TNIK: variants seen among roughly 807,000 people sequenced by gnomAD.
TNIK encodes the protein TRAF2 and NCK-interacting protein kinase.
A neutral mutation model predicts 191.3 loss-of-function variants in TNIK; 49 were observed. The observed-to-expected ratio is 0.26, with a 90% CI of 0.20 to 0.32. The LOEUF (loss-of-function observed/expected upper bound fraction) is 0.32, where lower values mean the gene tolerates loss of function less well. Among genes scored for constraint, TNIK ranks in the 10% least tolerant of loss-of-function variants. TNIK has a pLI of 1.00. For missense variants in TNIK, 1,155 were observed against 1,702.3 expected (o/e 0.68, Z 5.66); for synonymous variants, 594 against 600.9 (o/e 0.99, Z 0.17).
At chr3:171,169,525 C>T (rs1735031013) in intron 9 of TNIK, among the ~76,000 whole-genome samples, 1 of 152,214 alleles carries the variant, frequency 6.6e-6, no homozygotes, top group African/African-American at 2.4e-5. Context: ...ACCTCAGCCT[C>T]CCAAAGTGCT....
chr3:171,376,540 G>T (rs1288524295), intron 1 of TNIK, among the ~76,000 whole-genome samples: 1 of 152,096 alleles, frequency 6.6e-6, no homozygotes, highest in Non-Finnish European at 1.5e-5. Flanking sequence ...AAGCAGACAT[G>T]AGCAACTTAC....
intron 9 of TNIK, among the ~76,000 whole-genome samples, chr3:171,169,294 G>A (rs1170248201): frequency 6.6e-6 from 1 of 151,254 alleles, no homozygotes; most frequent in Non-Finnish European, 1.5e-5. Flanking sequence ...TTTAGATGGA[G>A]TCTTGCTCTG....
intron 2 of TNIK, among the ~76,000 whole-genome samples, chr3:171,280,018 A>C (rs1034207457): frequency 3.3e-5 from 5 of 152,194 alleles, no homozygotes; most frequent in Non-Finnish European, 1.5e-5. Context: ...CTACAGTTCT[A>C]TAAGTGTGAG....
rs73039350 is a variant in TNIK, at chr3:171,148,108, G to A, written c.1222-7599C>T. On this transcript the variant is annotated intron_variant, in intron 12 of 32. Transcript: ENST00000436636. ...TCTACACCTACTTTACACCATGAGA[G>A]ATAAACTATCCAACCTACCCTTTGA... Among the ~76,000 whole-genome samples, 1,159 of 152,270 alleles carry A rather than the reference G, an allele frequency of 7.6e-3. 24 individuals carry two copies. Among genetic ancestry groups the A allele is most frequent in the African/African-American group, 0.027 (1,106 of 41,532 alleles).
intron 9 of TNIK, among the ~76,000 whole-genome samples, chr3:171,167,743 T>G (rs534786837): frequency 1.2e-4 from 18 of 152,248 alleles, no homozygotes; most frequent in Admixed American, 1.2e-3. Context: ...GTGAGCCACT[T>G]AAATAAGGCA....
Position 171,284,608 on chromosome 3 carries a change from TA to T in TNIK, c.124-56388del, listed in dbSNP as rs11375341. Among the ~76,000 whole-genome samples the T allele has an allele frequency of 2.1e-4, 30 of 141,970 alleles. No individual in the cohort carries two copies. The South Asian group carries it at 3.1e-3, about 15-fold the overall frequency. 93.1% of individuals were successfully genotyped at this position (141,970 alleles called of 152,430 possible). On this transcript the variant is annotated intron_variant, in intron 2 of 32. Coordinates refer to ENST00000436636, the MANE Select transcript of TNIK (RefSeq NM_015028.4). Reference sequence around the variant, plus strand: ...ATTTCTTAATAAACCTCCTGCATGCTAAAAAAAAAATAAAAAATAAAATCAA... The same window carrying T: ...ATTTCTTAATAAACCTCCTGCATGCTAAAAAAAAATAAAAAATAAAATCAA...
intron 15 of TNIK, 73 bp downstream of exon 15, chr3:171,138,118 T>C (rs1291200893): frequency 2.9e-6 from 4 of 1,401,148 alleles, no homozygotes; most frequent in African/African-American, 2.9e-5. Flanking sequence ...GGGTTAACTC[T>C]CCACTTCTAT....
At chr3:171,303,635 C>A (rs1753114675) in intron 2 of TNIK, among the ~76,000 whole-genome samples, 1 of 152,154 alleles carries the variant, frequency 6.6e-6, no homozygotes, top group South Asian at 2.1e-4. Context: ...ATGGCATGGC[C>A]TTCACATAAA....
chr3:171,335,027 CAAAAA>C (rs371457413), intron 2 of TNIK, among the ~76,000 whole-genome samples: 1 of 114,616 alleles, frequency 8.7e-6, no homozygotes. Context: ...CCCCAACTGC[CAAAAA>C]AAAAAAAAAA....
chr3:171,280,548 ATTG>A (rs1355844328), intron 2 of TNIK, among the ~76,000 whole-genome samples: 1 of 151,888 alleles, frequency 6.6e-6, no homozygotes, highest in Non-Finnish European at 1.5e-5. Context: ...AATAAAAGTT[ATTG>A]TTATTTACAG....
At chr3:171,212,047 T>G (rs1192479680) in intron 3 of TNIK, among the ~76,000 whole-genome samples, 1 of 152,200 alleles carries the variant, frequency 6.6e-6, no homozygotes, top group African/African-American at 2.4e-5. Flanking sequence ...TGTTTTATTG[T>G]TGAGGTTGGG....
At chr3:171,067,824 CAT>C (rs145786912) in intron 30 of TNIK, among the ~76,000 whole-genome samples, 14,297 of 152,108 alleles carry the variant, frequency 0.094, 836 homozygotes, top group Non-Finnish European at 0.13. Context: ...TGAGGATTAT[CAT>C]AGTTACACCT....
chr3:171,443,263 G>T (rs1015066428), intron 1 of TNIK, among the ~76,000 whole-genome samples: 11 of 152,164 alleles, frequency 7.2e-5, no homozygotes, highest in Admixed American at 5.9e-4. Flanking sequence ...GAGTATCCAT[G>T]CTCTGAAAGT....
chr3:171,451,473 C>T (rs1174759019), intron 1 of TNIK, among the ~76,000 whole-genome samples: 1 of 152,196 alleles, frequency 6.6e-6, no homozygotes, highest in East Asian at 1.9e-4. Flanking sequence ...GAATTCCTGG[C>T]CCACAGAAAC....
Position 171,139,514 on chromosome 3 carries a change from C to G in TNIK, c.1375G>C (p.Glu459Gln). Residue 459 changes from glutamate (E) to glutamine (Q), a missense_variant, in exon 14 of 33, where the codon GAG becomes CAG. This residue lies in a region of TNIK where 735 missense variants were observed against 848.0 expected (regional missense o/e 0.87). Transcript: ENST00000436636. ...TGCAGTAGCTGCTGCTGCAAGATCTCTAACTGTCTCTGCTCCTCCTCTAAC... is the reference window on the plus strand; with the variant it reads ...TGCAGTAGCTGCTGCTGCAAGATCTGTAACTGTCTCTGCTCCTCCTCTAAC... ...RQLEEEQRQL[E>Q]ILQQQLLHEQ... The G allele has an allele frequency of 6.2e-7, 1 of 1,613,790 alleles. No homozygotes were observed. Among genetic ancestry groups the G allele is most frequent in the East Asian group, 2.2e-5 (1 of 44,874 alleles).
At chr3:171,386,574 C>T (rs190931676) in intron 1 of TNIK, among the ~76,000 whole-genome samples, 4 of 152,246 alleles carry the variant, frequency 2.6e-5, no homozygotes, top group Admixed American at 1.3e-4. Context: ...CTCACCTATA[C>T]CATTTATAGC....
chr3:171,119,053 A>T (rs927877182), intron 18 of TNIK, among the ~76,000 whole-genome samples: 2 of 152,216 alleles, frequency 1.3e-5, no homozygotes, highest in African/African-American at 4.8e-5. Context: ...TTATCTGACA[A>T]AGGGCTAATA....
chr3:171,298,852 C>T (rs1752595018), intron 2 of TNIK, among the ~76,000 whole-genome samples: 1 of 152,246 alleles, frequency 6.6e-6, no homozygotes, highest in Non-Finnish European at 1.5e-5. Context: ...ACCTAACCAG[C>T]TTCACAAAAC....
Position 171,211,230 on chromosome 3 carries a change from T to C in TNIK, c.192A>G (p.Glu64=). The part of the protein sequence containing the change: ...KVMDVTGDEE[E]EIKQEINMLK... ...ACATGTTAATTTCTTGTTTGATTTC[T>C]TCCTCTTCATCCTGTATGAGAACAA... is the stretch of plus-strand genomic sequence containing the variant. Residue 64 remains glutamate (E), a synonymous_variant, in exon 4 of 33, where the codon GAA becomes GAG. Coordinates refer to ENST00000436636, the MANE Select transcript of TNIK (RefSeq NM_015028.4). The C allele has an allele frequency of 6.2e-7, 1 of 1,610,386 alleles. No homozygotes were observed. The highest frequency in any genetic ancestry group is 1.3e-5 in the African/African-American group (1 of 74,966).
Sources: allele counts gnomAD v4.1 joint callset (sites outside exome capture counted in the v4.1 genomes callset), GRCh38; gene constraint gnomAD v4.1.1; regional missense constraint gnomAD v4.1.1; transcripts MANE v1.5; gene names NCBI Gene and HGNC (gene_info 2026-07-23, HGNC 2026-07-21).